DPP10: variants seen among roughly 807,000 people sequenced by gnomAD.
The protein encoded by DPP10 is inactive dipeptidyl peptidase 10.
DPP10 carries 33 observed loss-of-function variants against 120.9 expected under a neutral mutation model. The observed-to-expected ratio is 0.27, with a 90% CI of 0.21 to 0.37. The LOEUF (loss-of-function observed/expected upper bound fraction) is 0.37, where lower values mean the gene tolerates loss of function less well. Among genes scored for constraint, DPP10 ranks in the 10% least tolerant of loss-of-function variants. The pLI is 1.00. For synonymous variants in DPP10, 337 were observed against 326.1 expected (o/e 1.03, Z -0.36); for missense variants, 816 against 942.8 (o/e 0.87, Z 1.76).
intron 1 of DPP10, among the ~76,000 whole-genome samples, chr2:114,930,557 G>C (rs183274314): frequency 1.3e-5 from 2 of 152,148 alleles, no homozygotes; most frequent in Admixed American, 1.3e-4. Context: ...TCCATCTGAG[G>C]TGCCATCAGC....
intron 11 of DPP10, among the ~76,000 whole-genome samples, chr2:115,759,488 C>A (rs146714652): frequency 1.3e-5 from 2 of 151,436 alleles, no homozygotes; most frequent in Non-Finnish European, 2.9e-5. Flanking sequence ...ATTAGAATGA[C>A]TACACTAAAA....
intron 3 of DPP10, among the ~76,000 whole-genome samples, chr2:115,413,490 T>G (rs1486268026): frequency 6.6e-6 from 1 of 152,136 alleles, no homozygotes; most frequent in Non-Finnish European, 1.5e-5. Flanking sequence ...TTAGATTTCT[T>G]TATATTTTCT....
chr2:115,595,991 G>A (rs2082964656), intron 5 of DPP10, among the ~76,000 whole-genome samples: 1 of 152,076 alleles, frequency 6.6e-6, no homozygotes, highest in African/African-American at 2.4e-5. Flanking sequence ...TAGGAGGTAA[G>A]CAATTTTAAT....
chr2:115,386,878 G>T (rs1445520697), intron 3 of DPP10, among the ~76,000 whole-genome samples: 2 of 149,478 alleles, frequency 1.3e-5, no homozygotes, highest in South Asian at 2.1e-4. Context: ...GTACATATTT[G>T]TTCATTACTT....
intron 1 of DPP10, among the ~76,000 whole-genome samples, chr2:115,057,317 C>T (rs1443017335): frequency 6.6e-6 from 1 of 152,116 alleles, no homozygotes; most frequent in Non-Finnish European, 1.5e-5. Context: ...ATGCTTTCTT[C>T]TTGCATTTAT....
intron 3 of DPP10, among the ~76,000 whole-genome samples, chr2:115,386,677 A>T (rs1441391186): frequency 1.3e-5 from 2 of 152,236 alleles, no homozygotes; most frequent in East Asian, 3.9e-4. Context: ...CCTGGTAGAG[A>T]GAGGAGGGGG....
intron 15 of DPP10, among the ~76,000 whole-genome samples, chr2:115,779,008 G>T (rs550081631): frequency 4.6e-5 from 7 of 151,934 alleles, no homozygotes; most frequent in African/African-American, 1.7e-4. Context: ...GATTGATATC[G>T]GTAGCCATAA....
chr2:115,405,730 T>C (rs2068457888), intron 3 of DPP10, among the ~76,000 whole-genome samples: 1 of 152,232 alleles, frequency 6.6e-6, no homozygotes, highest in South Asian at 2.1e-4. Context: ...TTACGACTTT[T>C]GCCTTTTGAA....
intron 1 of DPP10, among the ~76,000 whole-genome samples, chr2:115,114,896 G>C (rs941568197): frequency 6.6e-6 from 1 of 151,920 alleles, no homozygotes; most frequent in Non-Finnish European, 1.5e-5. Flanking sequence ...CTAGAAAACT[G>C]CCAACAAGGG....
intron 1 of DPP10, among the ~76,000 whole-genome samples, chr2:115,225,348 A>G (rs1293122873): frequency 2.0e-5 from 3 of 152,126 alleles, no homozygotes; most frequent in African/African-American, 7.2e-5. Context: ...GCAACGTGAG[A>G]GGCCGATCTC....
chr2:115,045,609 A>G (rs560049438), intron 1 of DPP10, among the ~76,000 whole-genome samples: 2 of 152,254 alleles, frequency 1.3e-5, no homozygotes, highest in South Asian at 4.1e-4. Context: ...CCCTCTCTCA[A>G]GTGCACTGAT....
At chr2:115,311,703 C>T (rs765109417) in intron 2 of DPP10, among the ~76,000 whole-genome samples, 1 of 152,080 alleles carries the variant, frequency 6.6e-6, no homozygotes, top group Non-Finnish European at 1.5e-5. Flanking sequence ...ACACCACAGC[C>T]CCCCAACTCA....
At chr2:115,158,115 T>C (rs2104940284) in intron 1 of DPP10, among the ~76,000 whole-genome samples, 1 of 152,338 alleles carries the variant, frequency 6.6e-6, no homozygotes, top group East Asian at 1.9e-4. Flanking sequence ...TACTTGGTTG[T>C]TTTTAGAGTA....
intron 1 of DPP10, among the ~76,000 whole-genome samples, chr2:114,498,498 G>A (rs1054568928): frequency 6.6e-6 from 1 of 152,138 alleles, no homozygotes; most frequent in Non-Finnish European, 1.5e-5. Context: ...CACAAACTAC[G>A]TAATTTATAG....
At chr2:114,444,066 A>T (rs1035235881) in intron 1 of DPP10, among the ~76,000 whole-genome samples, 1 of 152,182 alleles carries the variant, frequency 6.6e-6, no homozygotes, top group Admixed American at 6.5e-5. Flanking sequence ...GATTCCCATC[A>T]TACATAAACA....
At chr2:115,286,504 TACATA>T in intron 1 of DPP10, among the ~76,000 whole-genome samples, 1 of 32,072 alleles carries the variant, frequency 3.1e-5, no homozygotes, top group Admixed American at 4.0e-4. Context: ...ATATATATAT[TACATA>T]TATAATATAT....
At chr2:115,409,422 C>T (rs529125928) in intron 3 of DPP10, among the ~76,000 whole-genome samples, 1 of 152,292 alleles carries the variant, frequency 6.6e-6, no homozygotes, top group Admixed American at 6.5e-5. Flanking sequence ...TGCCCAACAT[C>T]ACTAATGATT....
chr2:115,161,486 C>G (rs6758811), intron 1 of DPP10: 13,701 of 151,660 alleles, frequency 0.09, 1,970 homozygotes, highest in African/African-American at 0.31. Flanking sequence ...TCTCCCCCCC[C>G]CCGGCTGCGG....
At chr2:115,674,875 G>C (rs1575496631) in intron 5 of DPP10, among the ~76,000 whole-genome samples, 1 of 152,280 alleles carries the variant, frequency 6.6e-6, no homozygotes, top group East Asian at 1.9e-4. Flanking sequence ...TAATTGCTCT[G>C]TGAAACTCTG....
Sources: gnomAD v4.1 joint callset for allele counts (sites outside exome capture counted in the v4.1 genomes callset) on GRCh38, gnomAD v4.1.1 for gene constraint, MANE v1.5 for transcripts, NCBI Gene and HGNC (gene_info 2026-07-23, HGNC 2026-07-21) for gene names.